CAV1: variants seen among roughly 807,000 people sequenced by gnomAD.
CAV1 encodes caveolin 1.
A neutral mutation model predicts 16.5 loss-of-function variants in CAV1; 10 were observed. That is an observed-to-expected ratio of 0.61 (90% CI 0.37 to 1.03). CAV1 has a LOEUF of 1.03. Among genes scored for constraint, CAV1 ranks in the 50% least tolerant of loss-of-function variants. The pLI is 0.01. For missense variants in CAV1, 212 were observed against 232.8 expected, an observed-to-expected ratio of 0.91 and a Z score of 0.58; for synonymous variants, 76 against 85.1, an observed-to-expected ratio of 0.89 and a Z score of 0.59.
Position 116,559,240 on chromosome 7 carries a change from G to A in CAV1, c.490G>A (p.Gly164Arg), listed in dbSNP as rs772440405. 6.2e-7 allele frequency: 1 copy of A among 1,613,802 alleles called. No homozygotes were observed. The highest frequency in any genetic ancestry group is 8.5e-7 in the Non-Finnish European group (1 of 1,179,840). ...CTGTGACCCACTCTTTGAAGCTGTT[G>A]GGAAAATATTCAGCAATGTCCGCAT... ...TVCDPLFEAV[G>R]KIFSNVRINL... The change falls in exon 3 of 3, where the codon GGG becomes AGG. Residue 164 changes from glycine (G) to arginine (R), a missense_variant. Transcript: ENST00000341049.
chr7:116,546,935 T>C lies in CAV1; in HGVS notation c.196-12011T>C, dbSNP rs546373604. 9.8e-5 allele frequency among the ~76,000 whole-genome samples: 15 copies of C among 152,312 alleles called. No individual in the cohort carries two copies. In the South Asian group the frequency reaches 2.5e-3, roughly 25 times the overall value. On this transcript the variant is annotated intron_variant, in intron 2 of 2. Coordinates refer to ENST00000341049, the MANE Select transcript of CAV1 (RefSeq NM_001753.5). ...AAGGTGTCAGCAAGGCTATGCTTTTTCTGAAGCCTATAGGGAAGGCCTTCC... is the reference window on the plus strand; with the variant it reads ...AAGGTGTCAGCAAGGCTATGCTTTTCCTGAAGCCTATAGGGAAGGCCTTCC...
intron 2 of CAV1, among the ~76,000 whole-genome samples, chr7:116,558,516 G>A (rs1178110123): frequency 6.6e-6 from 1 of 151,818 alleles, no homozygotes; most frequent in African/African-American, 2.4e-5. Context: ...AGAAGGCCAA[G>A]GTGGGTGGAT....
rs1045060352 is a variant in CAV1 at position 116,561,038 on chromosome 7, T to C, written c.*1751T>C. On this transcript the variant is annotated 3_prime_UTR_variant, in exon 3 of 3. Transcript: ENST00000341049. ...CCAAGACATGTCTGTTCTACATAGATGCTTAGTCCCTCATGCAAATCAATT... is the reference window on the plus strand; with the variant it reads ...CCAAGACATGTCTGTTCTACATAGACGCTTAGTCCCTCATGCAAATCAATT... 1 of 152,678 alleles carries C rather than the reference T, an allele frequency of 6.5e-6. No individual in the cohort carries two copies. Among genetic ancestry groups the C allele is most frequent in the African/African-American group, 2.4e-5 (1 of 41,472 alleles). 9.5% of individuals were successfully genotyped at this position (152,678 alleles called of 1,614,324 possible).
rs1554357869 is a variant in CAV1, at chr7:116,555,518, A to AAGAAAGAAAGAAAGAG, written c.196-3425_196-3424insAAGAAAGAAAGAGAGA. Among the ~76,000 whole-genome samples, 25 of 14,054 alleles carry AAGAAAGAAAGAAAGAG rather than the reference A, an allele frequency of 1.8e-3. 11 individuals are homozygous for AAGAAAGAAAGAAAGAG. The highest frequency in any genetic ancestry group is 0.011 in the South Asian group (2 of 174). The allele number at this position is 14,054 out of a possible 152,430, so 9.2% of individuals were successfully genotyped here. ...AAAGAAAGAAAGAAAGAAAGAAAGA[A>AAGAAAGAAAGAAAGAG]AGAGAGAGAGAGAGAGAGAGAGAGA... On this transcript the variant is annotated intron_variant, in intron 2 of 2. Coordinates refer to ENST00000341049, the MANE Select transcript of CAV1 (RefSeq NM_001753.5).
chr7:116,531,125 C>G (rs1484745280), intron 2 of CAV1, among the ~76,000 whole-genome samples: 1 of 152,128 alleles, frequency 6.6e-6, no homozygotes, highest in Non-Finnish European at 1.5e-5. Context: ...TAAGGGCTAA[C>G]AAGTTTAAAA....
intron 2 of CAV1, among the ~76,000 whole-genome samples, chr7:116,534,308 G>A (rs1445611495): frequency 3.6e-5 from 5 of 137,952 alleles, no homozygotes; most frequent in African/African-American, 1.0e-4. Context: ...ATTTGGCGAG[G>A]TGTCAAAAGA....
chr7:116,559,649 A>C lies in CAV1; in HGVS notation c.*362A>C. 1.9e-6 allele frequency: 1 copy of C among 531,118 alleles called. No individual in the cohort carries two copies. The highest frequency in any genetic ancestry group is 3.3e-6 in the Non-Finnish European group (1 of 306,734). 32.9% of individuals were successfully genotyped at this position (531,118 alleles called of 1,614,324 possible). On this transcript the variant is annotated 3_prime_UTR_variant, in exon 3 of 3. Coordinates refer to ENST00000341049, the MANE Select transcript of CAV1 (RefSeq NM_001753.5). ...AAAAAGAAAAGAACCAACAACCTCA[A>C]CTGCCTACTCCAAAATGTTGGTCAT...
chr7:116,559,624 A>G lies in CAV1; in HGVS notation c.*337A>G, dbSNP rs939469109. The G allele has an allele frequency of 9.6e-5, 51 of 530,904 alleles. No homozygotes were observed. Among genetic ancestry groups the G allele is most frequent in the Non-Finnish European group, 1.4e-4 (43 of 306,394 alleles). The allele number at this position is 530,904 out of a possible 1,614,324, so 32.9% of individuals were successfully genotyped here. On this transcript the variant is annotated 3_prime_UTR_variant, in exon 3 of 3. Transcript: ENST00000341049. ...TGAAGAACTGAGGAGGAAAAAAAAAAAAAAGAAAAGAACCAACAACCTCAA... is the reference window on the plus strand; with the variant it reads ...TGAAGAACTGAGGAGGAAAAAAAAAGAAAAGAAAAGAACCAACAACCTCAA...
rs1039431325 is a variant in CAV1, at chr7:116,559,530, A to G, written c.*243A>G. On this transcript the variant is annotated 3_prime_UTR_variant, in exon 3 of 3. Transcript: ENST00000341049. ...TTTTTTTCCTTACCTTTTTATTTGC[A>G]TGTGGATCAACCATCGCTTTATTGG... is the stretch of plus-strand genomic sequence containing the variant. The G allele has an allele frequency of 1.3e-5, 8 of 599,116 alleles. No individual in the cohort carries two copies. The highest frequency in any genetic ancestry group is 1.3e-4 in the African/African-American group (7 of 53,634). The allele number at this position is 599,116 out of a possible 1,614,324, so 37.1% of individuals were successfully genotyped here. A position where few individuals can be genotyped will look rare whatever the true frequency, so the allele number is the denominator to read the frequency against.
rs969531166 is a variant in CAV1, at chr7:116,560,028, A to G, written c.*741A>G. 2.5e-6 allele frequency: 1 copy of G among 394,566 alleles called. No individual in the cohort carries two copies. Among genetic ancestry groups the G allele is most frequent in the African/African-American group, 2.1e-5 (1 of 48,480 alleles). 24.4% of individuals were successfully genotyped at this position (394,566 alleles called of 1,614,324 possible). A position where few individuals can be genotyped will look rare whatever the true frequency, so the allele number is the denominator to read the frequency against. ...GGTCAGCAGCCTCCCTGAAGACCAAAATTAGAATATCCATGACCTAGTTTT... is the reference window on the plus strand; with the variant it reads ...GGTCAGCAGCCTCCCTGAAGACCAAGATTAGAATATCCATGACCTAGTTTT... On this transcript the variant is annotated 3_prime_UTR_variant, in exon 3 of 3. Transcript: ENST00000341049.
At chr7:116,555,659 G>A (rs1794281339) in intron 2 of CAV1, among the ~76,000 whole-genome samples, 1 of 147,316 alleles carries the variant, frequency 6.8e-6, no homozygotes, top group South Asian at 2.1e-4. Flanking sequence ...AAAAAGGAAG[G>A]AAGGAAGGAA....
At chr7:116,525,447 G>A (rs1793537212) in intron 1 of CAV1, 2 of 1,390,050 alleles carry the variant, frequency 1.4e-6, no homozygotes, top group Non-Finnish European at 1.9e-6. Context: ...TGCCTGCTGG[G>A]GGTTCGAAGA....
chr7:116,534,395 A>ATATATATATATTTTT (rs1442237865), intron 2 of CAV1, among the ~76,000 whole-genome samples: 4 of 7,812 alleles, frequency 5.1e-4, no homozygotes, highest in Non-Finnish European at 7.9e-4. Flanking sequence ...ATATATATAT[A>ATATATATATATTTTT]TTTTTTTTTT....
rs1446962986 is a variant in CAV1 at position 116,542,107 on chromosome 7, A to G, written c.195+15418A>G. 2.6e-5 allele frequency among the ~76,000 whole-genome samples: 4 copies of G among 152,230 alleles called. No individual in the cohort carries two copies. In the South Asian group the frequency reaches 8.3e-4, roughly 32 times the overall value. The stretch of plus-strand genomic sequence containing the variant: ...AACATTGAAAAATAGAACACTGCAA[A>G]AGGCATGCATTGTATATACCAAAAG... On this transcript the variant is annotated intron_variant, in intron 2 of 2. Coordinates refer to ENST00000341049, the MANE Select transcript of CAV1 (RefSeq NM_001753.5).
chr7:116,555,540 G>GAA (rs1584785366), intron 2 of CAV1, among the ~76,000 whole-genome samples: 2 of 13,212 alleles, frequency 1.5e-4, no homozygotes, highest in Non-Finnish European at 3.1e-4. Flanking sequence ...GAGAGAGAGA[G>GAA]AGAGAAAGAA....
At chr7:116,527,245 T>C (rs889518827) in intron 2 of CAV1, among the ~76,000 whole-genome samples, 11 of 152,242 alleles carry the variant, frequency 7.2e-5, no homozygotes, top group African/African-American at 2.7e-4. Flanking sequence ...ACGTACTTAT[T>C]CATATACATA....
At chr7:116,526,289 C>T in intron 1 of CAV1, 2 of 1,319,292 alleles carry the variant, frequency 1.5e-6, no homozygotes, top group Non-Finnish European at 2.0e-6. Context: ...CAGGCGCGCC[C>T]TGCAGAGTAC....
In CAV1 at chr7:116,560,128, T is replaced by G; in HGVS notation, c.*841T>G. ...TGGGCTTCATCTGGCAACATCTTTATCCGTAGTGGGTATGGTTGACACTAG... is the reference window on the plus strand; with the variant it reads ...TGGGCTTCATCTGGCAACATCTTTAGCCGTAGTGGGTATGGTTGACACTAG... On this transcript the variant is annotated 3_prime_UTR_variant, in exon 3 of 3. Coordinates refer to ENST00000341049, the MANE Select transcript of CAV1 (RefSeq NM_001753.5). 1 of 310,316 alleles carries G rather than the reference T, an allele frequency of 3.2e-6. No homozygotes were observed. Among genetic ancestry groups the G allele is most frequent in the Non-Finnish European group, 5.9e-6 (1 of 170,024 alleles). 19.2% of individuals were successfully genotyped at this position (310,316 alleles called of 1,614,324 possible). A position where few individuals can be genotyped will look rare whatever the true frequency, so the allele number is the denominator to read the frequency against.
chr7:116,534,395 A>ATTTTTTTTTTTTTTTTTTT (rs1159703159), intron 2 of CAV1, among the ~76,000 whole-genome samples: 1 of 7,842 alleles, frequency 1.3e-4, no homozygotes, highest in Admixed American at 2.3e-3. Flanking sequence ...ATATATATAT[A>ATTTTTTTTTTTTTTTTTTT]TTTTTTTTTT....
Sources: allele counts gnomAD v4.1 joint callset (sites outside exome capture counted in the v4.1 genomes callset), GRCh38; gene constraint gnomAD v4.1.1; transcripts MANE v1.5; gene names NCBI Gene and HGNC (gene_info 2026-07-23, HGNC 2026-07-21).